The following FHL5 variants were observed in gnomAD, a reference collection of about 807,000 sequenced individuals.
FHL5 encodes the protein four and a half LIM domains protein 5.
Under a neutral mutation model 32.0 loss-of-function variants are expected in FHL5, and 33 were observed. That is an observed-to-expected ratio of 1.03 (90% confidence interval 0.78 to 1.38). The LOEUF is 1.38. FHL5 is among the 40% of genes most tolerant of loss of function. The probability of loss-of-function intolerance (pLI) is 0.00; values close to 1 mark genes in which losing one functional copy is unlikely to be tolerated. For missense variants in FHL5, 336 were observed against 343.9 expected (o/e 0.98, Z 0.18); for synonymous variants, 114 against 113.6 (o/e 1.00, Z -0.02).
At position 96,618,101 on chromosome 6, in the gene FHL5, T is replaced by C. The variant is rs975912593; in HGVS notation, c.*2329T>C. Among the ~76,000 whole-genome samples the C allele has an allele frequency of 5.9e-5, 9 of 152,204 alleles. No homozygotes were observed. Among genetic ancestry groups the C allele is most frequent in the Non-Finnish European group, 1.2e-4 (8 of 68,044 alleles). On this transcript the variant is annotated 3_prime_UTR_variant, in exon 6 of 6. Transcript: ENST00000450218. ...CACATATGTAGACATAGCACACATA[T>C]GCAAAACAACTAAGAAAAAGACCTC...
intron 1 of FHL5, among the ~76,000 whole-genome samples, chr6:96,578,870 T>C (rs1770641552): frequency 6.6e-6 from 1 of 151,982 alleles, no homozygotes; most frequent in Non-Finnish European, 1.5e-5. Flanking sequence ...AAAAATAAAA[T>C]AAAAATTGAT....
At chr6:96,580,615 T>A (rs1770678515) in intron 1 of FHL5, among the ~76,000 whole-genome samples, 1 of 152,204 alleles carries the variant, frequency 6.6e-6, no homozygotes, top group African/African-American at 2.4e-5. Context: ...CTATGTTTTA[T>A]GCATTTTAAG....
At chr6:96,602,758 G>C (rs1040665163) in intron 1 of FHL5, among the ~76,000 whole-genome samples, 2 of 152,090 alleles carry the variant, frequency 1.3e-5, no homozygotes, top group African/African-American at 4.8e-5. Context: ...AATAGCTGCT[G>C]CTATTATTTA....
chr6:96,602,458 T>C (rs1771173427), intron 1 of FHL5, among the ~76,000 whole-genome samples: 2 of 112,744 alleles, frequency 1.8e-5, no homozygotes, highest in Non-Finnish European at 3.7e-5. Context: ...TTTTTTTTTT[T>C]TTTTTTGAGA....
At chr6:96,602,543 T>C (rs765346411) in intron 1 of FHL5, among the ~76,000 whole-genome samples, 1 of 139,896 alleles carries the variant, frequency 7.1e-6, no homozygotes, top group Non-Finnish European at 1.5e-5. Flanking sequence ...GCCTCCCGGG[T>C]TCACGCCATT....
chr6:96,606,397 G>A (rs1234033584), intron 4 of FHL5, among the ~76,000 whole-genome samples: 1 of 152,076 alleles, frequency 6.6e-6, no homozygotes, highest in Non-Finnish European at 1.5e-5. Context: ...TGTCACCCAG[G>A]CTGGAGTGCA....
intron 4 of FHL5, among the ~76,000 whole-genome samples, chr6:96,608,169 C>A (rs187516485): frequency 6.6e-6 from 1 of 152,108 alleles, no homozygotes; most frequent in African/African-American, 2.4e-5. Context: ...ATTTATCAGA[C>A]ACAATAATGA....
At chr6:96,578,111 AC>A (rs1302444939) in intron 1 of FHL5, among the ~76,000 whole-genome samples, 6 of 152,204 alleles carry the variant, frequency 3.9e-5, no homozygotes, top group Non-Finnish European at 2.9e-5. Context: ...TAACAAAATG[AC>A]TGCAGCATTA....
intron 1 of FHL5, among the ~76,000 whole-genome samples, chr6:96,581,605 G>A: frequency 6.6e-6 from 1 of 152,094 alleles, no homozygotes; most frequent in Admixed American, 6.6e-5. Flanking sequence ...GCTTGCACTT[G>A]CCATTTCATG....
intron 1 of FHL5, among the ~76,000 whole-genome samples, chr6:96,575,154 G>A (rs955592585): frequency 6.6e-6 from 1 of 152,084 alleles, no homozygotes; most frequent in African/African-American, 2.4e-5. Context: ...GTTAACGAAA[G>A]TTAATATATG....
chr6:96,609,096 CTT>C, intron 4 of FHL5, among the ~76,000 whole-genome samples: 1 of 152,226 alleles, frequency 6.6e-6, no homozygotes, highest in African/African-American at 2.4e-5. Flanking sequence ...GAATAGTATG[CTT>C]TTTTCCCTCT....
chr6:96,591,124 T>C (rs1186737970), intron 1 of FHL5, among the ~76,000 whole-genome samples: 7 of 152,152 alleles, frequency 4.6e-5, no homozygotes, highest in Admixed American at 3.9e-4. Flanking sequence ...TGTTTGTACT[T>C]ACTTGATTTG....
At chr6:96,581,630 T>G (rs913657374) in intron 1 of FHL5, among the ~76,000 whole-genome samples, 8 of 152,086 alleles carry the variant, frequency 5.3e-5, no homozygotes, top group Non-Finnish European at 1.0e-4. Flanking sequence ...AGGAAGAACT[T>G]CCCCATCAAA....
At chr6:96,602,429 T>TC (rs1562062468) in intron 1 of FHL5, among the ~76,000 whole-genome samples, 3 of 51,276 alleles carry the variant, frequency 5.9e-5, no homozygotes, top group Admixed American at 1.7e-4. Context: ...GTTGTTTCTT[T>TC]TTTTTTTTTT....
At chr6:96,594,244 TATATATATATATATATATATATATATA>T (rs1770985144) in intron 1 of FHL5, among the ~76,000 whole-genome samples, 1 of 78,668 alleles carries the variant, frequency 1.3e-5, no homozygotes, top group Non-Finnish European at 3.0e-5. Context: ...TATATATATA[TATATATATATATATATATATATATATA>T]TATGTATGTA....
chr6:96,576,471 G>A (rs1275674421), intron 1 of FHL5, among the ~76,000 whole-genome samples: 1 of 152,204 alleles, frequency 6.6e-6, no homozygotes, highest in African/African-American at 2.4e-5. Context: ...GGAGTGAAGA[G>A]AATATTTGAA....
rs1226489756 is a variant in FHL5, at chr6:96,605,971, A to C, written c.404A>C (p.Gln135Pro). ...ETCFVCENCRQPIGTKPLISK... is the reference protein window; with the variant it reads ...ETCFVCENCRPPIGTKPLISK... Reference sequence around the variant, plus strand: ...TGTTTTGTGTGTGAGAATTGCCGACAACCTATAGGGACAAAGCCTTTGATC... The same window carrying C: ...TGTTTTGTGTGTGAGAATTGCCGACCACCTATAGGGACAAAGCCTTTGATC... The change falls in exon 4 of 6, where the codon CAA (glutamine) becomes CCA (proline). Residue 135 changes from glutamine (Q) to proline (P), a missense_variant. Coordinates refer to ENST00000450218, the MANE Select transcript of FHL5 (RefSeq NM_001322466.2). 3 of 1,614,008 alleles carry C rather than the reference A, an allele frequency of 1.9e-6. No individual in the cohort carries two copies.
intron 4 of FHL5, among the ~76,000 whole-genome samples, chr6:96,608,641 G>A (rs184535487): frequency 3.6e-4 from 55 of 152,232 alleles, no homozygotes; most frequent in African/African-American, 1.3e-3. Flanking sequence ...ACTCCTCAAG[G>A]TTCAAAAGGA....
intron 4 of FHL5, among the ~76,000 whole-genome samples, chr6:96,607,494 CTAAGT>C (rs1463963427): frequency 1.3e-5 from 2 of 152,058 alleles, no homozygotes; most frequent in Non-Finnish European, 2.9e-5. Flanking sequence ...ATACACTATG[CTAAGT>C]TATCATTATT....
Sources: allele counts gnomAD v4.1 joint callset (sites outside exome capture counted in the v4.1 genomes callset), GRCh38; gene constraint gnomAD v4.1.1; transcripts MANE v1.5; gene names NCBI Gene and HGNC (gene_info 2026-07-23, HGNC 2026-07-21).